Variants in KIAA1614 observed in about 807,000 individuals in gnomAD.
The protein encoded by KIAA1614 is uncharacterized protein KIAA1614.
In KIAA1614, 76 loss-of-function variants were observed where a neutral mutation model predicts 88.7. The ratio of observed to expected loss-of-function variants is 0.86; its 90% CI spans 0.71 to 1.04. The LOEUF (loss-of-function observed/expected upper bound fraction) is 1.04, where lower values mean the gene tolerates loss of function less well. Ranked by LOEUF, KIAA1614 falls within the 50% of genes least tolerant of loss-of-function variation. The pLI, the probability that KIAA1614 is intolerant of heterozygous loss-of-function variation, is 0.00. For synonymous variants in KIAA1614, 714 were observed against 675.5 expected (o/e 1.06, Z -0.88); for missense variants, 1,553 against 1,582.5 (o/e 0.98, Z 0.32).
rs1439403495 is a variant in KIAA1614, at chr1:180,946,242, C to T, written c.*654C>T. Reference sequence around the variant, plus strand: ...GCTGCGTTGAAACGGTTCCTTTCCTCCGGCTGTGGAGTATGTCTGGGCACG... The same window carrying T: ...GCTGCGTTGAAACGGTTCCTTTCCTTCGGCTGTGGAGTATGTCTGGGCACG... On this transcript the variant is annotated 3_prime_UTR_variant, in exon 9 of 9. Transcript: ENST00000367588. The T allele has an allele frequency of 6.6e-6, 1 of 152,308 alleles. No individual in the cohort carries two copies. The highest frequency in any genetic ancestry group is 1.5e-5 in the Non-Finnish European group (1 of 68,106). 9.4% of individuals were successfully genotyped at this position (152,308 alleles called of 1,614,324 possible).
intron 3 of KIAA1614, among the ~76,000 whole-genome samples, chr1:180,919,598 C>T (rs940925710): frequency 2.0e-5 from 3 of 152,142 alleles, no homozygotes; most frequent in South Asian, 2.1e-4. Flanking sequence ...CTTCCTCCCT[C>T]GATGAGGGAA....
At chr1:180,924,389 A>G (rs3845415) in intron 3 of KIAA1614, among the ~76,000 whole-genome samples, 18,432 of 152,192 alleles carry the variant, frequency 0.12, 1,191 homozygotes, top group African/African-American at 0.17. Context: ...GGGCAGCCCA[A>G]AGCCTCCTTC....
Position 180,936,342 on chromosome 1 carries a change from C to G in KIAA1614, c.2433C>G (p.Pro811=), listed in dbSNP as rs757015801. 6 of 1,614,200 alleles carry G rather than the reference C, an allele frequency of 3.7e-6. No homozygotes were observed. The East Asian group carries it at 1.3e-4, about 36-fold the overall frequency. ...CTGAAGGCTGGGCGCCAACCCCTCC[C>G]CCTTCGAGGAAAACCACCTCGCCAG... ...LCPEGWAPTP[P]PSRKTTSPVS... is the part of the protein sequence containing the mutation. Residue 811 remains proline, a synonymous_variant, in exon 5 of 9, where the codon CCC becomes CCG. Coordinates refer to ENST00000367588, the MANE Select transcript of KIAA1614 (RefSeq NM_020950.2).
In KIAA1614 at chr1:180,916,928, C is replaced by G; in HGVS notation, c.825C>G (p.Arg275=). Residue 275 remains arginine, a synonymous_variant, in exon 2 of 9, where the codon CGC becomes CGG. Coordinates refer to ENST00000367588, the MANE Select transcript of KIAA1614 (RefSeq NM_020950.2). Reference sequence around the variant, plus strand: ...CCAGGACGGCCCTGCTGGGTGAGCGCTGGAGAGCTGGAGACCTGGAGGCTC... The same window carrying G: ...CCAGGACGGCCCTGCTGGGTGAGCGGTGGAGAGCTGGAGACCTGGAGGCTC... ...FVPRTALLGE[R]WRAGDLEALG... 6.2e-7 allele frequency: 1 copy of G among 1,614,222 alleles called. No homozygotes were observed. The highest frequency in any genetic ancestry group is 1.1e-5 in the South Asian group (1 of 91,080).
intron 3 of KIAA1614, among the ~76,000 whole-genome samples, chr1:180,923,786 C>T (rs1226097332): frequency 1.3e-5 from 2 of 152,048 alleles, no homozygotes; most frequent in Non-Finnish European, 2.9e-5. Flanking sequence ...ACCATCCCAG[C>T]ACCACCCCAG....
Position 180,917,834 on chromosome 1 carries a change from T to C in KIAA1614, c.998-17T>C, listed in dbSNP as rs1571282892. The C allele has an allele frequency of 6.2e-7, 1 of 1,612,312 alleles. No homozygotes were observed. Reference sequence around the variant, plus strand: ...TTCTGGCTCTGTCCTGATCTCTGCTTCTGTTCTGGATCCTAGAGCGACCAG... The same window carrying C: ...TTCTGGCTCTGTCCTGATCTCTGCTCCTGTTCTGGATCCTAGAGCGACCAG... On this transcript the variant is annotated splice_polypyrimidine_tract_variant and intron_variant, in intron 2 of 8. Transcript: ENST00000367588.
intron 3 of KIAA1614, among the ~76,000 whole-genome samples, chr1:180,925,935 G>T (rs1654058374): frequency 6.6e-6 from 1 of 152,192 alleles, no homozygotes; most frequent in African/African-American, 2.4e-5. Flanking sequence ...AAAGATCTGG[G>T]CTCACAGGGT....
intron 3 of KIAA1614, among the ~76,000 whole-genome samples, chr1:180,927,327 G>A (rs1176534672): frequency 6.6e-6 from 1 of 152,202 alleles, no homozygotes; most frequent in Non-Finnish European, 1.5e-5. Flanking sequence ...ACCCCAAAGA[G>A]CGCATCTGCC....
In KIAA1614 at chr1:180,941,043, A is replaced by C; in HGVS notation, c.2919-2A>C. The stretch of plus-strand genomic sequence containing the variant: ...CCCCTCACCTCCACCCTTGTGTTTC[A>C]GAGCATCAGCAGGAGCTGGCACAGG... On this transcript the variant is annotated splice_acceptor_variant, in intron 6 of 8. Coordinates refer to ENST00000367588, the MANE Select transcript of KIAA1614 (RefSeq NM_020950.2). LOFTEE classifies it high-confidence loss of function. 8.7e-7 allele frequency: 1 copy of C among 1,153,568 alleles called. No homozygotes were observed. The highest frequency in any genetic ancestry group is 1.1e-6 in the Non-Finnish European group (1 of 876,506). 71.5% of individuals were successfully genotyped at this position (1,153,568 alleles called of 1,614,324 possible).
In KIAA1614 at chr1:180,935,816, C is replaced by A. The variant is rs113108579; in HGVS notation, c.1907C>A (p.Ala636Glu). 6.2e-7 allele frequency: 1 copy of A among 1,613,634 alleles called. No individual in the cohort carries two copies. Among genetic ancestry groups the A allele is most frequent in the African/African-American group, 1.3e-5 (1 of 75,024 alleles). ...GCGGGGACCTCTCAGGCTGGCTGGGCGTGTGGGCGGACCCAAGGCAGCAGC... is the reference window on the plus strand; with the variant it reads ...GCGGGGACCTCTCAGGCTGGCTGGGAGTGTGGGCGGACCCAAGGCAGCAGC... ...EEAGTSQAGW[A>E]CGRTQGSSPR... is the part of the protein sequence containing the mutation. Residue 636 changes from alanine (A) to glutamate (E), a missense_variant, in exon 5 of 9, where the codon GCG (alanine) becomes GAG (glutamate). Ala to Glu is a moderately radical substitution (Grantham distance 107). Coordinates refer to ENST00000367588, the MANE Select transcript of KIAA1614 (RefSeq NM_020950.2). The surrounding 1 kb of genome is among the most constrained non-coding windows in gnomAD (Gnocchi z 6.1).
chr1:180,950,889 A>T lies in KIAA1614; in HGVS notation c.*5301A>T, dbSNP rs1558076232. 1 of 152,522 alleles carries T rather than the reference A, an allele frequency of 6.6e-6. No homozygotes were observed. Among genetic ancestry groups the T allele is most frequent in the Non-Finnish European group, 1.5e-5 (1 of 68,268 alleles). 9.4% of individuals were successfully genotyped at this position (152,522 alleles called of 1,614,324 possible). A position where few individuals can be genotyped will look rare whatever the true frequency, so the allele number is the denominator to read the frequency against. On this transcript the variant is annotated 3_prime_UTR_variant, in exon 9 of 9. Coordinates refer to ENST00000367588, the MANE Select transcript of KIAA1614 (RefSeq NM_020950.2). ...AGAGCCGGCCTCACCTCCTGGTCCC[A>T]TGCCTGGTCAAAGGCTACAGCCTCC...
chr1:180,950,197 G>A lies in KIAA1614; in HGVS notation c.*4609G>A. On this transcript the variant is annotated 3_prime_UTR_variant, in exon 9 of 9. Transcript: ENST00000367588. ...GGAATAATGAGGGGTGTGTGTATGTGTGCATGCGCACAGAGAAGTGCCTGG... is the reference window on the plus strand; with the variant it reads ...GGAATAATGAGGGGTGTGTGTATGTATGCATGCGCACAGAGAAGTGCCTGG... 3.0e-6 allele frequency: 1 copy of A among 333,320 alleles called. No homozygotes were observed. The highest frequency in any genetic ancestry group is 5.1e-6 in the Non-Finnish European group (1 of 196,666). The allele number at this position is 333,320 out of a possible 1,614,324, so 20.6% of individuals were successfully genotyped here.
chr1:180,930,982 C>G (rs1399384301), intron 4 of KIAA1614, among the ~76,000 whole-genome samples: 2 of 152,166 alleles, frequency 1.3e-5, no homozygotes, highest in African/African-American at 2.4e-5. Context: ...TTCTAAAGAG[C>G]AGCTTGGTGA....
In KIAA1614 at chr1:180,948,396, T is replaced by C. The variant is rs1488590064; in HGVS notation, c.*2808T>C. On this transcript the variant is annotated 3_prime_UTR_variant, in exon 9 of 9. Transcript: ENST00000367588. ...CTTCTGCTTCTAATTGGATACAACA[T>C]AGAGATCACACATCCTCAACAAAGG... 1 of 152,206 alleles carries C rather than the reference T, an allele frequency of 6.6e-6. No individual in the cohort carries two copies. The highest frequency in any genetic ancestry group is 2.4e-5 in the African/African-American group (1 of 41,440). 9.4% of individuals were successfully genotyped at this position (152,206 alleles called of 1,614,324 possible).
rs776124243 is a variant in KIAA1614 at position 180,938,700 on chromosome 1, T to C, written c.2907T>C (p.His969=). The change falls in exon 6 of 9, where the codon CAT becomes CAC. Residue 969 remains histidine (H), a synonymous_variant. Transcript: ENST00000367588. ...GGACAGGGTCAGGATCTGGAGGACA[T>C]GTGCTGTCAAGGTGAGTGACAGGAG... The part of the protein sequence containing the change: ...LQRTGSGSGG[H]VLSRASAGAG... 9.9e-6 allele frequency: 16 copies of C among 1,613,704 alleles called. No individual in the cohort carries two copies. Among genetic ancestry groups the C allele is most frequent in the African/African-American group, 1.3e-5 (1 of 74,900 alleles).
Position 180,945,951 on chromosome 1 carries a change from A to G in KIAA1614, c.*363A>G, listed in dbSNP as rs1654582639. 1 of 292,038 alleles carries G rather than the reference A, an allele frequency of 3.4e-6. No homozygotes were observed. The highest frequency in any genetic ancestry group is 2.3e-5 in the African/African-American group (1 of 44,412). The allele number at this position is 292,038 out of a possible 1,614,324, so 18.1% of individuals were successfully genotyped here. Reference sequence around the variant, plus strand: ...GAAACCCATGTCTACTAAAAATACAAAATTAGCTGGGCGTGGTGGCGCATG... The same window carrying G: ...GAAACCCATGTCTACTAAAAATACAGAATTAGCTGGGCGTGGTGGCGCATG... On this transcript the variant is annotated 3_prime_UTR_variant, in exon 9 of 9. Transcript: ENST00000367588.
At chr1:180,920,269 G>A (rs1301541288) in intron 3 of KIAA1614, among the ~76,000 whole-genome samples, 1 of 152,226 alleles carries the variant, frequency 6.6e-6, no homozygotes, top group African/African-American at 2.4e-5. Flanking sequence ...TGTTACTTCT[G>A]TATCAATGAA....
intron 4 of KIAA1614, among the ~76,000 whole-genome samples, chr1:180,929,988 T>C (rs1654158175): frequency 6.6e-6 from 1 of 152,166 alleles, no homozygotes. Context: ...GACTCCTTCA[T>C]GAGCAGAGGT....
At chr1:180,913,329 C>A (rs977483346) in intron 1 of KIAA1614, 36 bp downstream of exon 1, 175 of 1,226,088 alleles carry the variant, frequency 1.4e-4, no homozygotes, top group Non-Finnish European at 1.2e-4. Context: ...GCCGGCCGGG[C>A]GGGGGTGGCG....
Sources: gnomAD v4.1 joint callset for allele counts (sites outside exome capture counted in the v4.1 genomes callset) on GRCh38, gnomAD v4.1.1 for gene constraint, Gnocchi (gnomAD v3.1) non-coding constraint, MANE v1.5 for transcripts, NCBI Gene and HGNC (gene_info 2026-07-23, HGNC 2026-07-21) for gene names.